KLRC1: variants seen among roughly 807,000 people sequenced by gnomAD.
KLRC1 encodes NKG2-A/NKG2-B type II integral membrane protein.
A neutral mutation model predicts 25.9 loss-of-function variants in KLRC1; 22 were observed. The ratio of observed to expected loss-of-function variants is 0.85; its 90% CI spans 0.61 to 1.21. The LOEUF is 1.21. KLRC1 is among the 50% of genes most tolerant of loss of function. The pLI, the probability that KLRC1 is intolerant of heterozygous loss-of-function variation, is 0.00. For missense variants in KLRC1, 240 were observed against 272.2 expected, an observed-to-expected ratio of 0.88 and a Z score of 0.83; for synonymous variants, 77 against 93.1, an observed-to-expected ratio of 0.83 and a Z score of 0.99.
chr12:10,443,350 C>T (rs1692897974), downstream of KLRC1, among the ~76,000 whole-genome samples: 2 of 140,056 alleles, frequency 1.4e-5, 1 homozygote, highest in African/African-American at 5.5e-5. Flanking sequence ...TATTTAACAA[C>T]ATATACCATG....
At chr12:10,444,450 G>A, downstream of KLRC1, among the ~76,000 whole-genome samples, 1 of 151,966 alleles carries the variant, frequency 6.6e-6, no homozygotes, top group Admixed American at 6.6e-5. Context: ...CCAAAGTGCT[G>A]GGATTATAGG....
Position 10,453,233 on chromosome 12 carries a change from A to G in KLRC1, c.-67T>C, listed in dbSNP as rs1319496189. 1 of 985,280 alleles carries G rather than the reference A, an allele frequency of 1.0e-6. No homozygotes were observed. The highest frequency in any genetic ancestry group is 1.2e-6 in the Non-Finnish European group (1 of 829,914). The allele number at this position is 985,280 out of a possible 1,614,324, so 61.0% of individuals were successfully genotyped here. A position where few individuals can be genotyped will look rare whatever the true frequency, so the allele number is the denominator to read the frequency against. Reference sequence around the variant, plus strand: ...CAGAAAGTCACACATCCTTTAGTGGAGAGGCCAGGTTAGTCTCATAAAAAG... The same window carrying G: ...CAGAAAGTCACACATCCTTTAGTGGGGAGGCCAGGTTAGTCTCATAAAAAG... On this transcript the variant is annotated 5_prime_UTR_variant, in exon 1 of 7. Transcript: ENST00000359151.
downstream of KLRC1, among the ~76,000 whole-genome samples, chr12:10,443,188 G>A (rs2137881943): frequency 7.1e-6 from 1 of 141,542 alleles, no homozygotes; most frequent in East Asian, 2.1e-4. Context: ...TAAATCCTTA[G>A]GGAGATGGAA....
Position 10,446,588 on chromosome 12 carries a change from C to T in KLRC1, c.665G>A (p.Gly222Glu), listed in dbSNP as rs1863990557. The change falls in exon 7 of 7, where the codon GGA becomes GAA. Residue 222 changes from glycine to glutamate, a missense_variant. By Grantham distance (98) the Gly-to-Glu change is moderately conservative. Coordinates refer to ENST00000359151, the MANE Select transcript of KLRC1 (RefSeq NM_002259.5). ...CTTACAATGATATATTATTGAAGATCCACACTGGGCTGATTTAAGTCGATT... is the reference window on the plus strand; with the variant it reads ...CTTACAATGATATATTATTGAAGATTCACACTGGGCTGATTTAAGTCGATT... ...QVNRLKSAQC[G>E]SSIIYHCKHK... 1 of 1,613,900 alleles carries T rather than the reference C, an allele frequency of 6.2e-7. No homozygotes were observed. The highest frequency in any genetic ancestry group is 8.5e-7 in the Non-Finnish European group (1 of 1,179,884).
downstream of KLRC1, among the ~76,000 whole-genome samples, chr12:10,443,127 T>A (rs183495736): frequency 9.2e-5 from 13 of 140,660 alleles, 3 homozygotes; most frequent in Admixed American, 8.3e-4. Flanking sequence ...AATTTAATTG[T>A]ACTTTTAAAA....
In KLRC1 at chr12:10,450,956, T is replaced by G. The variant is rs1864112092; in HGVS notation, c.187+14A>C. The stretch of plus-strand genomic sequence containing the variant: ...TCCTAGACTGTTATATTGAGGATCT[T>G]TTAAATGCTTTACCTTTGCAGTGAT... On this transcript the variant is annotated intron_variant, in intron 2 of 6. Transcript: ENST00000359151. The G allele has an allele frequency of 6.3e-7, 1 of 1,589,864 alleles. No individual in the cohort carries two copies. The highest frequency in any genetic ancestry group is 8.6e-7 in the Non-Finnish European group (1 of 1,164,776).
At chr12:10,443,219 C>A (rs1183982289), downstream of KLRC1, among the ~76,000 whole-genome samples, 8 of 141,286 alleles carry the variant, frequency 5.7e-5, no homozygotes, top group Non-Finnish European at 7.8e-5. Context: ...TACATGATGT[C>A]ATTATTATGC....
intron 3 of KLRC1, 46 bp from the exon 4 acceptor site, chr12:10,450,013 C>T: frequency 2.3e-6 from 3 of 1,279,100 alleles, no homozygotes; most frequent in Non-Finnish European, 3.1e-6. Flanking sequence ...GCATCTAAAT[C>T]AATCATAATA....
chr12:10,446,554 A>G lies in KLRC1; in HGVS notation c.699T>C (p.Leu233=), dbSNP rs1863989381. The change falls in exon 7 of 7, where the codon CTT becomes CTC. Residue 233 remains leucine (L), a synonymous_variant. Transcript: ENST00000359151. Reference sequence around the variant, plus strand: ...TGCAAATGCAAACGCTTTACCTCTAAAGCTTATGCTTACAATGATATATTA... The same window carrying G: ...TGCAAATGCAAACGCTTTACCTCTAGAGCTTATGCTTACAATGATATATTA... ...SSIIYHCKHK[L] 6.2e-7 allele frequency: 1 copy of G among 1,613,056 alleles called. No individual in the cohort carries two copies. The highest frequency in any genetic ancestry group is 1.7e-5 in the Admixed American group (1 of 59,932).
Position 10,450,511 on chromosome 12 carries a change from A to G in KLRC1, c.256T>C (p.Ser86Pro). 6.2e-7 allele frequency: 1 copy of G among 1,607,586 alleles called. No homozygotes were observed. Among genetic ancestry groups the G allele is most frequent in the Non-Finnish European group, 8.5e-7 (1 of 1,174,162 alleles). ...LGIICLILMA[S>P]VVTIVVIPST... ...GGAATAACAACTATCGTTACCACAG[A>G]GGCCATTAAGATAAGACAGATAATT... is the stretch of plus-strand genomic sequence containing the variant. Residue 86 changes from serine to proline, a missense_variant, in exon 3 of 7, where the codon TCT becomes CCT. Physicochemically the swap from Ser to Pro is moderately conservative, Grantham distance 74 (BLOSUM62 -1). Transcript: ENST00000359151.
intron 3 of KLRC1, chr12:10,450,226 A>C (rs1301120325): frequency 2.3e-6 from 1 of 436,310 alleles, no homozygotes; most frequent in Non-Finnish European, 4.0e-6. Flanking sequence ...TCTATTTCTC[A>C]GTAAGGTTTT....
chr12:10,449,134 A>C, intron 5 of KLRC1, 103 bp downstream of exon 5: 2 of 1,431,608 alleles, frequency 1.4e-6, no homozygotes. Flanking sequence ...ACTTGAAAAC[A>C]TATAAGCTAA....
chr12:10,445,516 A>G (rs1181036243), downstream of KLRC1, among the ~76,000 whole-genome samples: 2 of 152,154 alleles, frequency 1.3e-5, no homozygotes, highest in East Asian at 3.8e-4. Flanking sequence ...AACGATACAT[A>G]TGATACACAC....
At chr12:10,451,281 C>T in intron 1 of KLRC1, 94 bp from the exon 2 acceptor site, 1 of 596,236 alleles carries the variant, frequency 1.7e-6, no homozygotes, top group Non-Finnish European at 2.5e-6. Context: ...AGTATTGGAG[C>T]TCATTTTGCA....
upstream of KLRC1, among the ~76,000 whole-genome samples, chr12:10,453,794 CAATT>C (rs148419751): frequency 0.019 from 2,818 of 152,048 alleles, 88 homozygotes; most frequent in African/African-American, 0.064. Flanking sequence ...AGTAATTACT[CAATT>C]GATTGTAGCT....
rs972775302 is a variant in KLRC1 at position 10,453,361 on chromosome 12, G to C, written c.-195C>G. On this transcript the variant is annotated 5_prime_UTR_variant, in exon 1 of 7. Transcript: ENST00000359151. Reference sequence around the variant, plus strand: ...TCGCAGACTGCCCTGTGAAGGCTCAGAGTGAGTCAAGAGTGGAAAAAGTAG... The same window carrying C: ...TCGCAGACTGCCCTGTGAAGGCTCACAGTGAGTCAAGAGTGGAAAAAGTAG... The C allele has an allele frequency of 1.0e-6, 1 of 985,270 alleles. No homozygotes were observed. Among genetic ancestry groups the C allele is most frequent in the Non-Finnish European group, 1.2e-6 (1 of 829,908 alleles). 61.0% of individuals were successfully genotyped at this position (985,270 alleles called of 1,614,324 possible). A position where few individuals can be genotyped will look rare whatever the true frequency, so the allele number is the denominator to read the frequency against.
intron 6 of KLRC1, chr12:10,447,289 T>A: frequency 2.9e-6 from 1 of 346,716 alleles, no homozygotes; most frequent in Middle Eastern, 8.4e-4. Flanking sequence ...CTCTTCTTCT[T>A]CCAATGTGGC....
chr12:10,454,641 A>G (rs930143163), upstream of KLRC1: 1 of 985,090 alleles, frequency 1.0e-6, no homozygotes, highest in African/African-American at 1.7e-5. Context: ...CCTACAGAAG[A>G]TACTAAAATG....
intron 2 of KLRC1, 97 bp from the exon 3 acceptor site, chr12:10,450,676 C>G: frequency 2.6e-6 from 2 of 771,900 alleles, no homozygotes; most frequent in Non-Finnish European, 2.2e-6. Flanking sequence ...AGGAATCATA[C>G]AGAGAAACTT....
Sources: allele counts gnomAD v4.1 joint callset (sites outside exome capture counted in the v4.1 genomes callset), GRCh38; gene constraint gnomAD v4.1.1; transcripts MANE v1.5; gene names NCBI Gene and HGNC (gene_info 2026-07-23, HGNC 2026-07-21).